Variants in GABRB2 observed in about 807,000 individuals in gnomAD.
The protein encoded by GABRB2 is gamma-aminobutyric acid receptor subunit beta-2.
GABRB2 carries 16 observed loss-of-function variants against 54.7 expected under a neutral mutation model. The ratio of observed to expected loss-of-function variants is 0.29; its 90% CI spans 0.20 to 0.44. The LOEUF (loss-of-function observed/expected upper bound fraction) is 0.44. Among genes scored for constraint, GABRB2 ranks in the 20% least tolerant of loss-of-function variants. GABRB2 has a pLI of 1.00. For synonymous variants in GABRB2, 244 were observed against 233.8 expected, an observed-to-expected ratio of 1.04 and a Z score of -0.40; for missense variants, 355 against 644.0, an observed-to-expected ratio of 0.55 and a Z score of 4.86.
intron 5 of GABRB2, among the ~76,000 whole-genome samples, chr5:161,379,225 A>G (rs1434543429): frequency 6.6e-6 from 1 of 152,194 alleles, no homozygotes; most frequent in African/African-American, 2.4e-5. Context: ...TAGTTATCTA[A>G]GCAATGTAAG....
chr5:161,372,885 A>C (rs184404637), intron 5 of GABRB2, among the ~76,000 whole-genome samples: 2 of 152,328 alleles, frequency 1.3e-5, no homozygotes, highest in Admixed American at 6.5e-5. Flanking sequence ...TGCTGCATGC[A>C]CTAAGCTCTC....
At chr5:161,466,788 A>G (rs1328398771) in intron 3 of GABRB2, among the ~76,000 whole-genome samples, 1 of 151,612 alleles carries the variant, frequency 6.6e-6, no homozygotes, top group Non-Finnish European at 1.5e-5. Context: ...CTTCCCCTTC[A>G]TTTATCTTCA....
chr5:161,310,659 ACACGCACGCGCACG>A (rs1259150246), intron 9 of GABRB2, among the ~76,000 whole-genome samples: 1 of 144,342 alleles, frequency 6.9e-6, no homozygotes, highest in Non-Finnish European at 1.5e-5. Flanking sequence ...ACACACATGC[ACACGCACGCGCACG>A]CGCGCACACA....
chr5:161,445,877 G>A (rs978911103), intron 4 of GABRB2, among the ~76,000 whole-genome samples: 5 of 152,108 alleles, frequency 3.3e-5, no homozygotes, highest in Non-Finnish European at 7.3e-5. Flanking sequence ...TTGGGCACAT[G>A]TTCTCAGAAT....
chr5:161,509,996 G>A (rs913554908), intron 3 of GABRB2, among the ~76,000 whole-genome samples: 2 of 151,556 alleles, frequency 1.3e-5, no homozygotes, highest in African/African-American at 4.8e-5. Flanking sequence ...TTTAATTTTT[G>A]TGGTATACAT....
At chr5:161,465,212 C>T (rs1758244284) in intron 3 of GABRB2, among the ~76,000 whole-genome samples, 1 of 151,252 alleles carries the variant, frequency 6.6e-6, no homozygotes, top group African/African-American at 2.4e-5. Flanking sequence ...AGCTAATTAA[C>T]ATAGGAACTG....
chr5:161,504,404 A>C (rs1228968909), intron 3 of GABRB2, among the ~76,000 whole-genome samples: 1 of 152,172 alleles, frequency 6.6e-6, no homozygotes, highest in Non-Finnish European at 1.5e-5. Flanking sequence ...TGACAAAAAA[A>C]TACCTTGGGA....
At chr5:161,294,499 T>A in intron 9 of GABRB2, 71 bp from the exon 10 acceptor site, 2 of 1,313,966 alleles carry the variant, frequency 1.5e-6, no homozygotes, top group Non-Finnish European at 2.1e-6. Flanking sequence ...GGCAAGGCAC[T>A]ATGATCGGCA....
At chr5:161,436,518 G>A (rs1481550456) in intron 4 of GABRB2, among the ~76,000 whole-genome samples, 2 of 128,932 alleles carry the variant, frequency 1.6e-5, no homozygotes, top group African/African-American at 2.9e-5. Flanking sequence ...GGGTGACAGA[G>A]CAAGACGCTG....
At chr5:161,419,965 T>C (rs965120652) in intron 4 of GABRB2, among the ~76,000 whole-genome samples, 3 of 152,034 alleles carry the variant, frequency 2.0e-5, no homozygotes, top group African/African-American at 7.2e-5. Context: ...TCTATAAAAA[T>C]AAAAATAAAT....
intron 5 of GABRB2, among the ~76,000 whole-genome samples, chr5:161,362,382 T>C (rs996970937): frequency 6.6e-6 from 1 of 152,222 alleles, no homozygotes; most frequent in Non-Finnish European, 1.5e-5. Flanking sequence ...ATGGTCATTT[T>C]CATGATATTG....
intron 4 of GABRB2, among the ~76,000 whole-genome samples, chr5:161,426,736 G>A (rs1655065513): frequency 6.6e-6 from 1 of 151,880 alleles, no homozygotes; most frequent in African/African-American, 2.4e-5. Flanking sequence ...GAAGAAAAGG[G>A]TATAAATACT....
intron 4 of GABRB2, among the ~76,000 whole-genome samples, chr5:161,455,086 C>T (rs1757910655): frequency 6.6e-6 from 1 of 152,152 alleles, no homozygotes; most frequent in African/African-American, 2.4e-5. Context: ...TCCTCAAGAC[C>T]ACTATAACTT....
intron 5 of GABRB2, among the ~76,000 whole-genome samples, chr5:161,339,524 G>C (rs1481135511): frequency 6.6e-6 from 1 of 151,904 alleles, no homozygotes; most frequent in African/African-American, 2.4e-5. Flanking sequence ...TTCTATTGTA[G>C]GTGACACATA....
At chr5:161,310,667 G>A (rs144184727) in intron 9 of GABRB2, among the ~76,000 whole-genome samples, 127 of 126,800 alleles carry the variant, frequency 1.0e-3, no homozygotes, top group Non-Finnish European at 2.7e-4. Context: ...GCACACGCAC[G>A]CGCACGCGCG....
chr5:161,423,882 A>C (rs1378028875), intron 4 of GABRB2, among the ~76,000 whole-genome samples: 1 of 152,188 alleles, frequency 6.6e-6, no homozygotes, highest in East Asian at 1.9e-4. Context: ...ATGCCAGTGA[A>C]CACATGAATG....
intron 5 of GABRB2, among the ~76,000 whole-genome samples, chr5:161,341,972 T>TATATATATATATAC (rs1423697723): frequency 7.3e-6 from 1 of 136,738 alleles, no homozygotes; most frequent in Non-Finnish European, 1.6e-5. Context: ...TATATATACA[T>TATATATATATATAC]ACTTTATTAT....
At chr5:161,542,547 G>T (rs895036798) in intron 3 of GABRB2, among the ~76,000 whole-genome samples, 2 of 152,180 alleles carry the variant, frequency 1.3e-5, no homozygotes, top group Non-Finnish European at 2.9e-5. Flanking sequence ...ACTCGCATCT[G>T]AGACTCCTGA....
At chr5:161,509,729 G>A (rs1040757461) in intron 3 of GABRB2, among the ~76,000 whole-genome samples, 16 of 151,824 alleles carry the variant, frequency 1.1e-4, no homozygotes, top group African/African-American at 3.4e-4. Context: ...AGAACAAACA[G>A]TGGCTCCATA....
Sources: gnomAD v4.1 joint callset for allele counts (sites outside exome capture counted in the v4.1 genomes callset) on GRCh38, gnomAD v4.1.1 for gene constraint, MANE v1.5 for transcripts, NCBI Gene and HGNC (gene_info 2026-07-23, HGNC 2026-07-21) for gene names.